Variants in PRDM6 observed in about 807,000 individuals in gnomAD.
PRDM6 encodes putative histone-lysine N-methyltransferase PRDM6.
A neutral mutation model predicts 60.8 loss-of-function variants in PRDM6; 25 were observed. That is an observed-to-expected ratio of 0.41 (90% CI 0.30 to 0.57). The LOEUF (loss-of-function observed/expected upper bound fraction) is 0.57, where lower values mean the gene tolerates loss of function less well. Among genes scored for constraint, PRDM6 ranks in the 20% least tolerant of loss-of-function variants. PRDM6 has a pLI of 0.27. For synonymous variants in PRDM6, 407 were observed against 357.4 expected, an observed-to-expected ratio of 1.14 and a Z score of -1.57; for missense variants, 839 against 821.3, an observed-to-expected ratio of 1.02 and a Z score of -0.26.
In PRDM6 at chr5:123,170,866, C is replaced by G. The variant is rs1036749553; in HGVS notation, c.1254C>G (p.Ser418=). 4.5e-6 allele frequency: 7 copies of G among 1,552,252 alleles called. No homozygotes were observed. The Admixed American group carries it at 5.9e-5, about 13-fold the overall frequency. ...TCGCCCCTACCACCCAGCAGCGCTC[C>G]GTTGTTTTCCCCCAGACTCCGTGCA... is the stretch of plus-strand genomic sequence containing the variant. ...SKLAPTTQQR[S]VVFPQTPCSR... Residue 418 remains serine, a synonymous_variant, in exon 6 of 8, where the codon TCC becomes TCG. Transcript: ENST00000407847.
Position 123,124,291 on chromosome 5 carries a change from C to T in PRDM6, c.900+24330C>T, listed in dbSNP as rs147642569. Among the ~76,000 whole-genome samples, 1,222 of 152,256 alleles carry T rather than the reference C, an allele frequency of 8.0e-3. 21 individuals carry two copies. Among genetic ancestry groups the T allele is most frequent in the African/African-American group, 0.023 (965 of 41,536 alleles). On this transcript the variant is annotated intron_variant, in intron 3 of 7. Coordinates refer to ENST00000407847, the MANE Select transcript of PRDM6 (RefSeq NM_001136239.4). ...TAGATGTCCAGCAGGATAATTCAGA[C>T]GCCCTAAGTCCACTTTAGACACTCG...
intron 3 of PRDM6, among the ~76,000 whole-genome samples, chr5:123,109,270 T>C (rs1764257110): frequency 6.6e-6 from 1 of 152,178 alleles, no homozygotes. Context: ...TGGTGAGACA[T>C]TAGTGAAACA....
rs1427102145 is a variant in PRDM6 at position 123,145,740 on chromosome 5, GT to G, written c.901-10140del. Among the ~76,000 whole-genome samples the G allele has an allele frequency of 4.7e-5, 7 of 149,266 alleles. No individual in the cohort carries two copies. In the East Asian group the frequency reaches 1.2e-3, roughly 25 times the overall value. ...TCAATTATTTAAGATCTAAAAATATGTTTTCTGTCCTTGACAGACGGCCACT... is the reference window on the plus strand; with the variant it reads ...TCAATTATTTAAGATCTAAAAATATGTTTCTGTCCTTGACAGACGGCCACT... On this transcript the variant is annotated intron_variant, in intron 3 of 7. Coordinates refer to ENST00000407847, the MANE Select transcript of PRDM6 (RefSeq NM_001136239.4).
intron 2 of PRDM6, among the ~76,000 whole-genome samples, chr5:123,091,171 T>C (rs1359235358): frequency 6.6e-6 from 1 of 152,206 alleles, no homozygotes; most frequent in East Asian, 1.9e-4. Context: ...GTAGGAATTT[T>C]AGATGAAACT....
chr5:123,097,194 A>C (rs1007572204), intron 2 of PRDM6, among the ~76,000 whole-genome samples: 1 of 152,224 alleles, frequency 6.6e-6, no homozygotes, highest in Admixed American at 6.5e-5. Flanking sequence ...GACATTATCT[A>C]TGTATTTTCC....
intron 6 of PRDM6, among the ~76,000 whole-genome samples, chr5:123,172,181 C>T (rs1765905654): frequency 6.6e-6 from 1 of 151,952 alleles, no homozygotes; most frequent in Non-Finnish European, 1.5e-5. Context: ...ACACAGTGTG[C>T]CTAGAAAACC....
chr5:123,089,560 G>T (rs576475121), intron 1 of PRDM6, 41 bp downstream of exon 1: 31 of 167,978 alleles, frequency 1.8e-4, no homozygotes, highest in Middle Eastern at 5.3e-3. Context: ...TCTAGGGCTT[G>T]GTAGATAGGA....
intron 3 of PRDM6, among the ~76,000 whole-genome samples, chr5:123,102,619 A>T (rs182786525): frequency 1.3e-5 from 2 of 152,252 alleles, no homozygotes; most frequent in East Asian, 3.9e-4. Context: ...AGTCAACAAA[A>T]TGTATTAAAA....
intron 3 of PRDM6, among the ~76,000 whole-genome samples, chr5:123,124,420 C>A (rs1405073469): frequency 6.6e-6 from 1 of 152,158 alleles, no homozygotes; most frequent in South Asian, 2.1e-4. Flanking sequence ...ATGGAACAGA[C>A]AGACACGGGA....
chr5:123,131,025 A>C (rs2150223393), intron 3 of PRDM6, among the ~76,000 whole-genome samples: 1 of 152,350 alleles, frequency 6.6e-6, no homozygotes, highest in South Asian at 2.1e-4. Flanking sequence ...AATCCTGCTT[A>C]CATTTCTTTA....
Position 123,099,601 on chromosome 5 carries a change from G to C in PRDM6, c.593-53G>C, listed in dbSNP as rs886864488. 2.9e-5 allele frequency: 41 copies of C among 1,402,418 alleles called. No homozygotes were observed. Among genetic ancestry groups the C allele is most frequent in the Admixed American group, 9.3e-5 (3 of 32,100 alleles). The allele number at this position is 1,402,418 out of a possible 1,614,324, so 86.9% of individuals were successfully genotyped here. ...GAGTTTACTCAAAGATGGGCCGCTCGGGGCGGCCGGATTAACCCGCTCCCT... is the reference window on the plus strand; with the variant it reads ...GAGTTTACTCAAAGATGGGCCGCTCCGGGCGGCCGGATTAACCCGCTCCCT... On this transcript the variant is annotated intron_variant, in intron 2 of 7. Coordinates refer to ENST00000407847, the MANE Select transcript of PRDM6 (RefSeq NM_001136239.4). The surrounding 1 kb of genome is among the most constrained non-coding windows in gnomAD (Gnocchi z 4.0).
chr5:123,113,219 C>G (rs1764357760), intron 3 of PRDM6, among the ~76,000 whole-genome samples: 1 of 152,096 alleles, frequency 6.6e-6, no homozygotes, highest in Non-Finnish European at 1.5e-5. Flanking sequence ...TATGGTTCAC[C>G]CTGGTGTTGT....
intron 3 of PRDM6, among the ~76,000 whole-genome samples, chr5:123,136,114 G>A (rs1331372257): frequency 6.6e-6 from 1 of 152,210 alleles, no homozygotes; most frequent in Non-Finnish European, 1.5e-5. Flanking sequence ...CCTCTTTGAA[G>A]TGAGAGTGAC....
chr5:123,133,941 C>T (rs1020812087), intron 3 of PRDM6, among the ~76,000 whole-genome samples: 1 of 151,934 alleles, frequency 6.6e-6, no homozygotes, highest in Non-Finnish European at 1.5e-5. Flanking sequence ...ATTGATTTAA[C>T]TTCTTGGGTG....
At chr5:123,130,178 T>TTCAC (rs1764797304) in intron 3 of PRDM6, among the ~76,000 whole-genome samples, 1 of 25,550 alleles carries the variant, frequency 3.9e-5, no homozygotes, top group Non-Finnish European at 7.8e-5. Flanking sequence ...TCCCCTCCCC[T>TTCAC]TCCCTTCCCT....
intron 6 of PRDM6, among the ~76,000 whole-genome samples, chr5:123,179,340 A>C (rs945335560): frequency 1.6e-4 from 24 of 152,210 alleles, no homozygotes; most frequent in African/African-American, 5.8e-4. Flanking sequence ...CTGTGCTGCT[A>C]TAAATCATGC....
intron 5 of PRDM6, among the ~76,000 whole-genome samples, chr5:123,168,613 G>A (rs1017065304): frequency 6.6e-6 from 1 of 152,218 alleles, no homozygotes; most frequent in Admixed American, 6.5e-5. Context: ...CAGGCCCTAT[G>A]GAGAGATTAT....
intron 3 of PRDM6, among the ~76,000 whole-genome samples, chr5:123,153,768 T>C (rs548850873): frequency 1.6e-4 from 25 of 152,264 alleles, no homozygotes; most frequent in Admixed American, 7.2e-4. Flanking sequence ...GTGGACTGGT[T>C]AGTGGCTGGT....
rs969865756 is a variant in PRDM6 at position 123,130,438 on chromosome 5, A to T, written c.901-25446A>T. On this transcript the variant is annotated intron_variant, in intron 3 of 7. Transcript: ENST00000407847. ...TGAAAGGTTATCTTAAAGAATTAAG[A>T]AATTTTCAAGCATGAGGAATAACTA... Among the ~76,000 whole-genome samples the T allele has an allele frequency of 1.3e-5, 2 of 150,750 alleles. 1 individual carries two copies. The highest frequency in any genetic ancestry group is 2.9e-5 in the Non-Finnish European group (2 of 67,856).
Sources: gnomAD v4.1 joint callset for allele counts (sites outside exome capture counted in the v4.1 genomes callset) on GRCh38, gnomAD v4.1.1 for gene constraint, Gnocchi (gnomAD v3.1) non-coding constraint, MANE v1.5 for transcripts, NCBI Gene and HGNC (gene_info 2026-07-23, HGNC 2026-07-21) for gene names.